Variants in WDR25 observed in about 807,000 individuals in gnomAD.
The protein encoded by WDR25 is WD repeat domain 25.
Under a neutral mutation model 47.7 loss-of-function variants are expected in WDR25, and 35 were observed. That is an observed-to-expected ratio of 0.73 (90% confidence interval 0.56 to 0.97). The LOEUF (loss-of-function observed/expected upper bound fraction) is 0.97. Ranked by LOEUF, WDR25 falls within the 50% of genes least tolerant of loss-of-function variation. The pLI, the probability that WDR25 is intolerant of heterozygous loss-of-function variation, is 0.00. For synonymous variants in WDR25, 248 were observed against 278.9 expected, an observed-to-expected ratio of 0.89 and a Z score of 1.10; for missense variants, 634 against 704.7, an observed-to-expected ratio of 0.90 and a Z score of 1.14.
At chr14:100,451,572 C>A (rs1899034291) in intron 2 of WDR25, among the ~76,000 whole-genome samples, 1 of 152,172 alleles carries the variant, frequency 6.6e-6, no homozygotes, top group Non-Finnish European at 1.5e-5. Flanking sequence ...GTATTGAGGC[C>A]AGAGGCTGAG....
chr14:100,524,995 G>A (rs1182339704), intron 4 of WDR25, among the ~76,000 whole-genome samples: 1 of 152,230 alleles, frequency 6.6e-6, no homozygotes, highest in Non-Finnish European at 1.5e-5. Context: ...GGGGCCCAGG[G>A]ACTGAACTGT....
chr14:100,410,569 T>C (rs1045914025), intron 2 of WDR25, among the ~76,000 whole-genome samples: 6 of 151,956 alleles, frequency 3.9e-5, no homozygotes, highest in South Asian at 2.1e-4. Flanking sequence ...CAAGCTGAGG[T>C]TGGAAGCCTG....
rs533900622 is a variant in WDR25 at position 100,521,219 on chromosome 14, C to G, written c.1102-4651C>G. 2.0e-4 allele frequency among the ~76,000 whole-genome samples: 30 copies of G among 150,556 alleles called. No homozygotes were observed. The East Asian group carries it at 4.7e-3, about 24-fold the overall frequency. ...ACACACACACAGAGAGAGAGAGAGA[C>G]AGAGAGAGAATTATATATAACAGTG... On this transcript the variant is annotated intron_variant, in intron 4 of 6. Coordinates refer to ENST00000402312, the MANE Select transcript of WDR25 (RefSeq NM_001161476.3).
chr14:100,456,660 C>T (rs758587968), intron 2 of WDR25, among the ~76,000 whole-genome samples: 27 of 152,046 alleles, frequency 1.8e-4, no homozygotes, highest in African/African-American at 6.0e-4. Flanking sequence ...AAGAGGTTAG[C>T]GAACTTGAAG....
chr14:100,484,548 A>G (rs539635970), intron 4 of WDR25, among the ~76,000 whole-genome samples: 57 of 152,016 alleles, frequency 3.7e-4, no homozygotes, highest in African/African-American at 1.3e-3. Flanking sequence ...AAGTGCTTTT[A>G]GCTTGCTGTG....
chr14:100,491,411 A>C (rs1900561250), intron 4 of WDR25, among the ~76,000 whole-genome samples: 1 of 152,234 alleles, frequency 6.6e-6, no homozygotes, highest in South Asian at 2.1e-4. Flanking sequence ...GTTTCGGTCA[A>C]TGTCAGACCA....
At chr14:100,450,235 T>C (rs374274557) in intron 2 of WDR25, among the ~76,000 whole-genome samples, 1 of 152,298 alleles carries the variant, frequency 6.6e-6, no homozygotes, top group South Asian at 2.1e-4. Flanking sequence ...CTCCTTCACA[T>C]AGGGCTCCAG....
rs1900850534 is a variant in WDR25, at chr14:100,499,672, G to T, written c.1101+15548G>T. On this transcript the variant is annotated intron_variant, in intron 4 of 6. Transcript: ENST00000402312. The surrounding 1 kb of genome is among the most constrained non-coding windows in gnomAD (Gnocchi z 4.4). ...GAGCAGGGTGGGTATAGGGAAGAAAGCCACCTCCTTCTTGAGACAGGAAGG... is the reference window on the plus strand; with the variant it reads ...GAGCAGGGTGGGTATAGGGAAGAAATCCACCTCCTTCTTGAGACAGGAAGG... 6.6e-6 allele frequency among the ~76,000 whole-genome samples: 1 copy of T among 152,068 alleles called. No individual in the cohort carries two copies. Among genetic ancestry groups the T allele is most frequent in the African/African-American group, 2.4e-5 (1 of 41,392 alleles).
rs1229964853 is a variant in WDR25, at chr14:100,502,717, G to T, written c.1101+18593G>T. Among the ~76,000 whole-genome samples, 4 of 152,092 alleles carry T rather than the reference G, an allele frequency of 2.6e-5. No individual in the cohort carries two copies. Among genetic ancestry groups the T allele is most frequent in the Non-Finnish European group, 5.9e-5 (4 of 68,046 alleles). On this transcript the variant is annotated intron_variant, in intron 4 of 6. Coordinates refer to ENST00000402312, the MANE Select transcript of WDR25 (RefSeq NM_001161476.3). The surrounding 1 kb of genome is among the most constrained non-coding windows in gnomAD (Gnocchi z 4.5). ...CACAGAGTACATCGTGATGGGAACT[G>T]CTTGGGGGCTAATGAAAGACTCACA...
chr14:100,517,488 T>C (rs1483201514), intron 4 of WDR25, among the ~76,000 whole-genome samples: 1 of 152,214 alleles, frequency 6.6e-6, no homozygotes, highest in African/African-American at 2.4e-5. Flanking sequence ...GACTACAATA[T>C]ACATGCCTAA....
intron 2 of WDR25, among the ~76,000 whole-genome samples, chr14:100,441,619 G>A (rs933753688): frequency 2.0e-5 from 3 of 152,134 alleles, no homozygotes; most frequent in East Asian, 3.9e-4. Context: ...CACATGGAGC[G>A]CAGGTGGACT....
intron 2 of WDR25, among the ~76,000 whole-genome samples, chr14:100,388,720 G>C (rs1464993284): frequency 6.6e-6 from 1 of 152,308 alleles, no homozygotes; most frequent in Non-Finnish European, 1.5e-5. Context: ...AAAAACCTTG[G>C]GTTGAAGAGG....
At chr14:100,434,990 G>T (rs1348671226) in intron 2 of WDR25, among the ~76,000 whole-genome samples, 1 of 152,324 alleles carries the variant, frequency 6.6e-6, no homozygotes, top group East Asian at 1.9e-4. Context: ...GTCTGTTGTG[G>T]TCTCCATTTT....
At chr14:100,474,554 A>G (rs1213692641) in intron 3 of WDR25, among the ~76,000 whole-genome samples, 4 of 152,198 alleles carry the variant, frequency 2.6e-5, no homozygotes, top group African/African-American at 7.2e-5. Context: ...CTGGAGCCCA[A>G]ACGTGTTTAC....
chr14:100,463,284 T>TA (rs527996222), intron 2 of WDR25, among the ~76,000 whole-genome samples: 171 of 152,292 alleles, frequency 1.1e-3, no homozygotes, highest in Middle Eastern at 3.4e-3. Context: ...AGGTAACAGA[T>TA]ACCTATACAC....
intron 2 of WDR25, among the ~76,000 whole-genome samples, chr14:100,467,027 T>C (rs1189678839): frequency 6.6e-6 from 1 of 152,190 alleles, no homozygotes; most frequent in African/African-American, 2.4e-5. Context: ...ATATCTTAGA[T>C]CATTTTTCAG....
chr14:100,508,808 A>T (rs972275929), intron 4 of WDR25, among the ~76,000 whole-genome samples: 4 of 152,154 alleles, frequency 2.6e-5, no homozygotes, highest in Admixed American at 6.5e-5. Context: ...TGAATTTTTT[A>T]AAAATCATAT....
intron 5 of WDR25, among the ~76,000 whole-genome samples, chr14:100,528,590 C>T (rs1210595481): frequency 2.0e-5 from 3 of 152,132 alleles, no homozygotes; most frequent in Non-Finnish European, 2.9e-5. Flanking sequence ...TTCTATGAGG[C>T]TGCACGTGAC....
At chr14:100,390,742 C>T (rs1268445987) in intron 2 of WDR25, among the ~76,000 whole-genome samples, 1 of 152,130 alleles carries the variant, frequency 6.6e-6, no homozygotes, top group African/African-American at 2.4e-5. Context: ...GTGTGCAGAT[C>T]TGTGCCGCTC....
Sources: allele counts gnomAD v4.1 joint callset (sites outside exome capture counted in the v4.1 genomes callset), GRCh38; gene constraint gnomAD v4.1.1; non-coding constraint Gnocchi (gnomAD v3.1); transcripts MANE v1.5; gene names NCBI Gene and HGNC (gene_info 2026-07-23, HGNC 2026-07-21).